The following ANO4 variants were observed in gnomAD, a reference collection of about 807,000 sequenced individuals.
The protein encoded by ANO4 is anoctamin 4.
A neutral mutation model predicts 141.9 loss-of-function variants in ANO4; 69 were observed. The observed-to-expected ratio is 0.49, with a 90% confidence interval of 0.40 to 0.59. ANO4 has a LOEUF of 0.59. Among genes scored for constraint, ANO4 ranks in the 20% least tolerant of loss-of-function variants. ANO4 has a pLI of 0.00. For missense variants in ANO4, 894 were observed against 1,162.2 expected, an observed-to-expected ratio of 0.77 and a Z score of 3.36; for synonymous variants, 350 against 394.3, an observed-to-expected ratio of 0.89 and a Z score of 1.33.
At chr12:100,943,867 C>G (rs899055079) in intron 5 of ANO4, among the ~76,000 whole-genome samples, 5 of 152,036 alleles carry the variant, frequency 3.3e-5, no homozygotes, top group African/African-American at 9.7e-5. Context: ...TCATATTTTT[C>G]TCCTTAATCA....
chr12:101,039,985 A>ATGAT lies in ANO4; in HGVS notation c.928_929insTGAT (p.Thr310MetfsTer14). ...TTATAGAAGTAAAAACTCCATTCGA[A>ATGAT]CCCATGGAGCAGAAAACCACCGACA... On this transcript the variant is annotated frameshift_variant, in exon 11 of 28. Coordinates refer to ENST00000392977, the MANE Select transcript of ANO4 (RefSeq NM_001286615.2). LOFTEE classifies it high-confidence loss of function. 6.4e-7 allele frequency: 1 copy of ATGAT among 1,553,462 alleles called. No homozygotes were observed. The highest frequency in any genetic ancestry group is 8.7e-7 in the Non-Finnish European group (1 of 1,148,618).
intron 9 of ANO4, among the ~76,000 whole-genome samples, 183 bp from the exon 10 acceptor site, chr12:101,036,912 T>C (rs1220042953): frequency 6.6e-6 from 1 of 152,188 alleles, no homozygotes; most frequent in African/African-American, 2.4e-5. Context: ...ATTTTTTTAG[T>C]GAATTTCCCA....
intron 16 of ANO4, among the ~76,000 whole-genome samples, chr12:101,085,974 C>T (rs192741465): frequency 8.6e-5 from 13 of 152,040 alleles, no homozygotes; most frequent in African/African-American, 3.1e-4. Context: ...GTATGGCTAC[C>T]ACATGACAAC....
chr12:100,946,194 T>C lies in ANO4; in HGVS notation c.456+3659T>C, dbSNP rs569746929. Reference sequence around the variant, plus strand: ...GAGCAAGGTGAAGAATAGTGAGAAATTACACCAACAAGGCAGTGGAAGCCT... The same window carrying C: ...GAGCAAGGTGAAGAATAGTGAGAAACTACACCAACAAGGCAGTGGAAGCCT... On this transcript the variant is annotated intron_variant, in intron 5 of 27. Transcript: ENST00000392977. 9.9e-5 allele frequency among the ~76,000 whole-genome samples: 15 copies of C among 152,198 alleles called. No homozygotes were observed. In the East Asian group the frequency reaches 1.7e-3, roughly 18 times the overall value.
chr12:100,932,752 G>A (rs1484447997), intron 3 of ANO4, among the ~76,000 whole-genome samples: 1 of 152,104 alleles, frequency 6.6e-6, no homozygotes, highest in Non-Finnish European at 1.5e-5. Flanking sequence ...TCCATCCTGG[G>A]ATGATGTAAA....
At chr12:100,991,258 T>C (rs1366975869) in intron 8 of ANO4, among the ~76,000 whole-genome samples, 2 of 152,150 alleles carry the variant, frequency 1.3e-5, no homozygotes, top group African/African-American at 4.8e-5. Flanking sequence ...AATTGTTGGG[T>C]ACAATCAGAA....
At chr12:100,736,843 G>T (rs1334238786) in intron 2 of ANO4, among the ~76,000 whole-genome samples, 4 of 152,144 alleles carry the variant, frequency 2.6e-5, no homozygotes, top group African/African-American at 9.7e-5. Context: ...TGGGATTTCT[G>T]GCAACACCAG....
chr12:100,777,713 T>C (rs1047939254), intron 3 of ANO4, among the ~76,000 whole-genome samples: 3 of 152,158 alleles, frequency 2.0e-5, no homozygotes, highest in African/African-American at 7.2e-5. Context: ...TCTTCATCTT[T>C]CCACTCTCAC....
chr12:101,095,820 T>C (rs1318185750), intron 18 of ANO4, among the ~76,000 whole-genome samples: 3 of 152,150 alleles, frequency 2.0e-5, no homozygotes, highest in East Asian at 3.9e-4. Flanking sequence ...TAGCTGGAGA[T>C]TTGATCTTAA....
chr12:101,101,450 CT>C (rs1448366535), intron 22 of ANO4, among the ~76,000 whole-genome samples: 42 of 152,122 alleles, frequency 2.8e-4, no homozygotes, highest in Non-Finnish European at 2.9e-4. Context: ...CCACCCTCAT[CT>C]TTCCTTAGTC....
rs78022656 is a variant in ANO4 at position 100,744,193 on chromosome 12, T to A, written c.358+4088T>A. On this transcript the variant is annotated intron_variant, in intron 3 of 29. Transcript: ENST00000644049. ...ACTATCAAAACTTATATATCCCGAA[T>A]GGAACTTCCTTCTGGTAGCTCTCAA... Among the ~76,000 whole-genome samples, 12 of 152,356 alleles carry A rather than the reference T, an allele frequency of 7.9e-5. No individual in the cohort carries two copies. In the East Asian group the frequency reaches 2.3e-3, roughly 29 times the overall value.
intron 25 of ANO4, among the ~76,000 whole-genome samples, chr12:101,118,876 C>T (rs2050963888): frequency 7.8e-6 from 1 of 128,430 alleles, no homozygotes; most frequent in African/African-American, 2.9e-5. Context: ...CCTCCCCCCA[C>T]CCCACGACAG....
intron 3 of ANO4, among the ~76,000 whole-genome samples, chr12:100,934,356 T>C (rs1408524668): frequency 6.6e-6 from 1 of 152,356 alleles, no homozygotes; most frequent in East Asian, 1.9e-4. Flanking sequence ...AAATAGGGAA[T>C]CCTTTCTGCG....
chr12:100,730,224 C>T lies in ANO4; in HGVS notation c.23-3550C>T, dbSNP rs543562666. On this transcript the variant is annotated intron_variant, in intron 1 of 29. Transcript: ENST00000644049. Reference sequence around the variant, plus strand: ...GTTTTAAGTCTGAATTTTATTGATTCAGCAAATTCCACAAATATATACAGA... The same window carrying T: ...GTTTTAAGTCTGAATTTTATTGATTTAGCAAATTCCACAAATATATACAGA... Among the ~76,000 whole-genome samples, 22 of 152,248 alleles carry T rather than the reference C, an allele frequency of 1.4e-4. No individual in the cohort carries two copies. The East Asian group carries it at 4.0e-3, about 28-fold the overall frequency.
chr12:100,814,501 G>T (rs987484261), intron 1 of ANO4, among the ~76,000 whole-genome samples: 2 of 152,138 alleles, frequency 1.3e-5, no homozygotes, highest in African/African-American at 4.8e-5. Flanking sequence ...ATGGAAGCAT[G>T]AGTGCTAGCA....
rs59596019 is a variant in ANO4, at chr12:100,970,663, CTCCTTCCTTCCTTCCTTCCTTCCTTCCT to C, written c.457-604_457-577del. On this transcript the variant is annotated intron_variant, in intron 5 of 27. Transcript: ENST00000392977. Reference sequence around the variant, plus strand: ...TCCCTTCCTCCCTCCCTCCCTCCCTCTCCTTCCTTCCTTCCTTCCTTCCTTCCTTCCTTCCTTCCTTCCTTCCTTCCTT... The same window carrying C: ...TCCCTTCCTCCCTCCCTCCCTCCCTCTCCTTCCTTCCTTCCTTCCTTCCTT... 3.4e-4 allele frequency among the ~76,000 whole-genome samples: 31 copies of C among 91,752 alleles called. 1 individual carries two copies. The highest frequency in any genetic ancestry group is 1.2e-3 in the Admixed American group (10 of 8,176). The allele number at this position is 91,752 out of a possible 152,430, so 60.2% of individuals were successfully genotyped here.
Position 101,093,141 on chromosome 12 carries a change from C to T in ANO4, c.1702-1115C>T, listed in dbSNP as rs550628853. 3.9e-5 allele frequency among the ~76,000 whole-genome samples: 6 copies of T among 152,268 alleles called. No individual in the cohort carries two copies. In the South Asian group the frequency reaches 8.3e-4, roughly 21 times the overall value. Reference sequence around the variant, plus strand: ...ACTCCAAGAGTCTGAGATTTCTAGACATAAGATTTGTTCCTATGCCATATT... The same window carrying T: ...ACTCCAAGAGTCTGAGATTTCTAGATATAAGATTTGTTCCTATGCCATATT... On this transcript the variant is annotated intron_variant, in intron 17 of 27. Transcript: ENST00000392977.
intron 14 of ANO4, among the ~76,000 whole-genome samples, chr12:101,071,003 A>G (rs2048786797): frequency 6.6e-6 from 1 of 152,168 alleles, no homozygotes; most frequent in Non-Finnish European, 1.5e-5. Flanking sequence ...GTTTTTATCC[A>G]AAAGTCTGGC....
chr12:101,041,540 G>A (rs2047410467), intron 11 of ANO4, among the ~76,000 whole-genome samples: 1 of 152,100 alleles, frequency 6.6e-6, no homozygotes, highest in Non-Finnish European at 1.5e-5. Flanking sequence ...TGCGGTTTTG[G>A]TTAGTCAATG....
Sources: allele counts gnomAD v4.1 joint callset (sites outside exome capture counted in the v4.1 genomes callset), GRCh38; gene constraint gnomAD v4.1.1; transcripts MANE v1.5; gene names NCBI Gene and HGNC (gene_info 2026-07-23, HGNC 2026-07-21).